The following KCNN2 variants were observed in gnomAD, a reference collection of about 807,000 sequenced individuals.
KCNN2 encodes the protein potassium calcium-activated channel subfamily N member 2, also known as small conductance calcium-activated potassium channel protein 2.
A neutral mutation model predicts 55.5 loss-of-function variants in KCNN2; 24 were observed. That is an observed-to-expected ratio of 0.43 (90% CI 0.31 to 0.61). The LOEUF is 0.61. Ranked by LOEUF, KCNN2 falls within the 20% of genes least tolerant of loss-of-function variation. KCNN2 has a pLI of 0.08. For synonymous variants in KCNN2, 431 were observed against 336.1 expected (o/e 1.28, Z -3.09); for missense variants, 754 against 853.6 (o/e 0.88, Z 1.45).
chr5:114,295,277 G>A (rs906239444), intron 2 of KCNN2, among the ~76,000 whole-genome samples: 1 of 152,318 alleles, frequency 6.6e-6, no homozygotes, highest in East Asian at 1.9e-4. Context: ...CTGTCTTTTT[G>A]TTTGTCTGTG....
chr5:114,365,164 G>A (rs928023411), intron 2 of KCNN2, among the ~76,000 whole-genome samples: 1 of 152,074 alleles, frequency 6.6e-6, no homozygotes, highest in Non-Finnish European at 1.5e-5. Context: ...AAGTGCAGAG[G>A]GAGAAATTAC....
intron 6 of KCNN2, 44 bp downstream of exon 6, chr5:114,487,221 C>T: frequency 6.3e-7 from 1 of 1,578,254 alleles, no homozygotes. Flanking sequence ...GTGTCCTTGG[C>T]TTTCAATTTT....
intron 2 of KCNN2, among the ~76,000 whole-genome samples, chr5:114,341,915 T>C (rs1360111052): frequency 1.3e-5 from 2 of 151,736 alleles, no homozygotes; most frequent in South Asian, 2.1e-4. Context: ...TTTTTTTTTT[T>C]TTTTGAGACG....
chr5:114,305,376 G>A (rs1237444453), intron 2 of KCNN2, among the ~76,000 whole-genome samples: 3 of 152,200 alleles, frequency 2.0e-5, no homozygotes, highest in African/African-American at 4.8e-5. Flanking sequence ...CACATAGAGT[G>A]TTAGGCTCAG....
chr5:114,313,052 G>A (rs1756436744), intron 2 of KCNN2, among the ~76,000 whole-genome samples: 1 of 152,110 alleles, frequency 6.6e-6, no homozygotes, highest in African/African-American at 2.4e-5. Flanking sequence ...ATTAGTCTGA[G>A]TCTCTGTTAT....
intron 1 of KCNN2, among the ~76,000 whole-genome samples, chr5:114,133,508 C>G (rs1015817432): frequency 6.6e-6 from 1 of 152,126 alleles, no homozygotes; most frequent in Non-Finnish European, 1.5e-5. Context: ...GGCCATTAAT[C>G]CACCCTGTAC....
chr5:114,126,450 C>G (rs972659302), intron 1 of KCNN2, among the ~76,000 whole-genome samples: 2 of 151,960 alleles, frequency 1.3e-5, no homozygotes, highest in Non-Finnish European at 2.9e-5. Flanking sequence ...AGGGGGAAGC[C>G]CCTTATAAAA....
chr5:114,236,048 G>C (rs2112609322), intron 2 of KCNN2, among the ~76,000 whole-genome samples: 1 of 152,296 alleles, frequency 6.6e-6, no homozygotes, highest in South Asian at 2.1e-4. Context: ...CCTTGGGTGA[G>C]GGGTATGTGA....
At chr5:114,234,771 G>A (rs1754439369) in intron 2 of KCNN2, among the ~76,000 whole-genome samples, 1 of 152,144 alleles carries the variant, frequency 6.6e-6, no homozygotes, top group Non-Finnish European at 1.5e-5. Context: ...AGAGCAGGAT[G>A]GCTGCCAACT....
chr5:114,322,686 G>A (rs902250284), intron 2 of KCNN2, among the ~76,000 whole-genome samples: 3 of 152,040 alleles, frequency 2.0e-5, no homozygotes, highest in African/African-American at 2.4e-5. Flanking sequence ...GTTTGAAAGC[G>A]ACAGAAACTG....
intron 2 of KCNN2, among the ~76,000 whole-genome samples, chr5:114,317,037 T>C (rs1756514650): frequency 2.6e-5 from 4 of 152,212 alleles, no homozygotes; most frequent in Admixed American, 2.0e-4. Flanking sequence ...CAGAGTGACA[T>C]CCTTGCAGCT....
chr5:114,138,781 G>A (rs192833400), intron 1 of KCNN2, among the ~76,000 whole-genome samples: 9 of 152,234 alleles, frequency 5.9e-5, no homozygotes, highest in South Asian at 2.1e-4. Context: ...GGTAGAGGAG[G>A]AGGAAGAGGA....
At chr5:114,232,925 G>GTTTTTTCTTTTT (rs1554076023) in intron 2 of KCNN2, among the ~76,000 whole-genome samples, 1 of 76,274 alleles carries the variant, frequency 1.3e-5, no homozygotes, top group Non-Finnish European at 2.4e-5. Flanking sequence ...ATTGTTTCTT[G>GTTTTTTCTTTTT]TTTTTTTTTT....
intron 2 of KCNN2, among the ~76,000 whole-genome samples, chr5:114,288,495 T>TACACACACAC (rs771115837): frequency 0.16 from 11,967 of 74,510 alleles, 672 homozygotes; most frequent in Non-Finnish European, 0.2. Flanking sequence ...TTTATATATA[T>TACACACACAC]ATATACACAC....
chr5:114,484,945 C>T (rs1206932330), intron 5 of KCNN2, among the ~76,000 whole-genome samples: 1 of 152,096 alleles, frequency 6.6e-6, no homozygotes, highest in East Asian at 1.9e-4. Flanking sequence ...CATAAGGCCT[C>T]GAGGGCATTA....
intron 2 of KCNN2, among the ~76,000 whole-genome samples, chr5:114,338,460 C>T (rs1051916725): frequency 6.6e-6 from 1 of 152,104 alleles, no homozygotes; most frequent in African/African-American, 2.4e-5. Context: ...AGGTCATTCT[C>T]GTGACACTCC....
At chr5:114,225,037 A>T (rs1267880321) in intron 2 of KCNN2, among the ~76,000 whole-genome samples, 1 of 152,240 alleles carries the variant, frequency 6.6e-6, no homozygotes, top group Non-Finnish European at 1.5e-5. Context: ...TATAAGGAAC[A>T]GTAATCAAAT....
chr5:114,217,457 T>A (rs1011645609), intron 1 of KCNN2, among the ~76,000 whole-genome samples: 1 of 151,984 alleles, frequency 6.6e-6, no homozygotes, highest in Admixed American at 6.6e-5. Flanking sequence ...ATAAATGTAG[T>A]CAACTAAGCA....
At chr5:114,431,717 G>A (rs1242391804) in intron 3 of KCNN2, among the ~76,000 whole-genome samples, 1 of 152,020 alleles carries the variant, frequency 6.6e-6, no homozygotes, top group East Asian at 1.9e-4. Flanking sequence ...TGTGTTCAGT[G>A]CTATAAATTT....
Sources: gnomAD v4.1 joint callset for allele counts (sites outside exome capture counted in the v4.1 genomes callset) on GRCh38, gnomAD v4.1.1 for gene constraint, MANE v1.5 for transcripts, NCBI Gene and HGNC (gene_info 2026-07-23, HGNC 2026-07-21) for gene names.